MAP2K6: variants seen among roughly 807,000 people sequenced by gnomAD.
MAP2K6 encodes dual specificity mitogen-activated protein kinase kinase 6.
In MAP2K6, 16 loss-of-function variants were observed where a neutral mutation model predicts 53.7. The ratio of observed to expected loss-of-function variants is 0.30; its 90% CI spans 0.20 to 0.45. MAP2K6 has a LOEUF of 0.45. MAP2K6 is among the 20% of genes least tolerant of loss of function. MAP2K6 has a pLI of 1.00. For synonymous variants in MAP2K6, 132 were observed against 143.1 expected, an observed-to-expected ratio of 0.92 and a Z score of 0.55; for missense variants, 204 against 411.9, an observed-to-expected ratio of 0.50 and a Z score of 4.37.
At chr17:69,416,329 AG>A (rs1905900313) in intron 1 of MAP2K6, among the ~76,000 whole-genome samples, 1 of 152,180 alleles carries the variant, frequency 6.6e-6, no homozygotes, top group Non-Finnish European at 1.5e-5. Flanking sequence ...GTATTAGGGG[AG>A]AATGGAAATC....
rs1016510668 is a variant in MAP2K6 at position 69,494,608 on chromosome 17, G to C, written c.17-11172G>C. Among the ~76,000 whole-genome samples, 2 of 152,092 alleles carry C rather than the reference G, an allele frequency of 1.3e-5. No individual in the cohort carries two copies. The highest frequency in any genetic ancestry group is 2.9e-5 in the Non-Finnish European group (2 of 68,006). ...AGGGGAGGAGTTGCAGATGAAGAAC[G>C]TTCCTTTGTTTCTTTATTACCCCCT... On this transcript the variant is annotated intron_variant, in intron 1 of 11. Coordinates refer to ENST00000590474, the MANE Select transcript of MAP2K6 (RefSeq NM_002758.4). The surrounding 1 kb of genome is among the most constrained non-coding windows in gnomAD (Gnocchi z 4.2).
chr17:69,463,380 T>C (rs536889633), intron 1 of MAP2K6, among the ~76,000 whole-genome samples: 1 of 149,546 alleles, frequency 6.7e-6, no homozygotes, highest in Admixed American at 6.7e-5. Context: ...TGTGTATATA[T>C]ATGTGTATCT....
intron 10 of MAP2K6, among the ~76,000 whole-genome samples, chr17:69,528,688 ATC>A (rs1910912826): frequency 6.6e-6 from 1 of 151,770 alleles, no homozygotes; most frequent in African/African-American, 2.4e-5. Context: ...GTGAAAACCC[ATC>A]TCTGCTAAAA....
chr17:69,476,011 G>T (rs1385096504), intron 1 of MAP2K6, among the ~76,000 whole-genome samples: 1 of 152,188 alleles, frequency 6.6e-6, no homozygotes, highest in South Asian at 2.1e-4. Flanking sequence ...GTATAATAAG[G>T]TTGAGCAAAT....
At chr17:69,532,291 T>C (rs567137565) in intron 10 of MAP2K6, among the ~76,000 whole-genome samples, 30 of 152,356 alleles carry the variant, frequency 2.0e-4, no homozygotes, top group African/African-American at 7.2e-4. Context: ...TCTGTGGATG[T>C]ACCAAATAGC....
intron 1 of MAP2K6, among the ~76,000 whole-genome samples, chr17:69,417,965 A>G (rs1405848945): frequency 2.0e-5 from 3 of 152,240 alleles, no homozygotes; most frequent in East Asian, 1.9e-4. Context: ...AGAAATGCCT[A>G]TGAGGCACAA....
chr17:69,510,885 AT>A (rs891846873), intron 2 of MAP2K6, among the ~76,000 whole-genome samples: 2 of 145,188 alleles, frequency 1.4e-5, no homozygotes, highest in African/African-American at 5.1e-5. Flanking sequence ...AACTTTATTG[AT>A]TTTTTTTCTT....
At chr17:69,515,287 G>A (rs1400869446) in intron 2 of MAP2K6, among the ~76,000 whole-genome samples, 1 of 151,904 alleles carries the variant, frequency 6.6e-6, no homozygotes, top group Non-Finnish European at 1.5e-5. Context: ...CTACCAAGTA[G>A]CTGGGATTAC....
At chr17:69,483,504 A>C (rs1017160849) in intron 1 of MAP2K6, among the ~76,000 whole-genome samples, 3 of 152,084 alleles carry the variant, frequency 2.0e-5, no homozygotes, top group Admixed American at 2.0e-4. Context: ...AAGACTTAAT[A>C]TTGTTAAGAT....
intron 1 of MAP2K6, among the ~76,000 whole-genome samples, chr17:69,435,685 T>C (rs978454058): frequency 6.6e-6 from 1 of 152,050 alleles, no homozygotes; most frequent in African/African-American, 2.4e-5. Context: ...TTTTCTTTTC[T>C]TTTTTAGACA....
rs1912129397 is a variant in MAP2K6 at position 69,552,269 on chromosome 17, A to T, written c.*10516A>T. 6.6e-6 allele frequency: 1 copy of T among 152,214 alleles called. No individual in the cohort carries two copies. Among genetic ancestry groups the T allele is most frequent in the Non-Finnish European group, 1.5e-5 (1 of 68,048 alleles). 9.4% of individuals were successfully genotyped at this position (152,214 alleles called of 1,614,324 possible). On this transcript the variant is annotated 3_prime_UTR_variant, in exon 12 of 12. Coordinates refer to ENST00000590474, the MANE Select transcript of MAP2K6 (RefSeq NM_002758.4). ...GCTTGCTACCTCTTCTTGGTACCTG[A>T]AATATTCTGAAAGGATATCGGAGAG...
intron 1 of MAP2K6, among the ~76,000 whole-genome samples, chr17:69,469,872 G>T (rs1014469583): frequency 6.6e-6 from 1 of 152,068 alleles, no homozygotes; most frequent in Admixed American, 6.5e-5. Context: ...CATCATGGTC[G>T]GTGGAGCAAT....
At chr17:69,473,301 C>T (rs1347261480) in intron 1 of MAP2K6, among the ~76,000 whole-genome samples, 1 of 152,014 alleles carries the variant, frequency 6.6e-6, no homozygotes, top group East Asian at 1.9e-4. Flanking sequence ...TTAATTTCTG[C>T]AGAAAATGTT....
At chr17:69,451,003 A>G (rs780880855) in intron 1 of MAP2K6, among the ~76,000 whole-genome samples, 17 of 152,152 alleles carry the variant, frequency 1.1e-4, no homozygotes, top group Non-Finnish European at 2.1e-4. Flanking sequence ...AGCATTGAGT[A>G]GGTTTGCATG....
At chr17:69,541,472 A>G (rs1164189328) in intron 11 of MAP2K6, among the ~76,000 whole-genome samples, 1 of 152,132 alleles carries the variant, frequency 6.6e-6, no homozygotes, top group East Asian at 1.9e-4. Context: ...AGATATCAAG[A>G]TGGAAAGAGT....
rs375634560 is a variant in MAP2K6 at position 69,513,577 on chromosome 17, G to A, written c.84-3278G>A. ...TCAGCAAACTTTTTTGTAAAAGGCC[G>A]GATACTAAATATTTTAGGCTACATG... On this transcript the variant is annotated intron_variant, in intron 2 of 11. Coordinates refer to ENST00000590474, the MANE Select transcript of MAP2K6 (RefSeq NM_002758.4). Among the ~76,000 whole-genome samples, 421 of 152,252 alleles carry A rather than the reference G, an allele frequency of 2.8e-3. 1 individual carries two copies. The highest frequency in any genetic ancestry group is 0.01 in the Middle Eastern group (3 of 294).
intron 1 of MAP2K6, among the ~76,000 whole-genome samples, chr17:69,454,173 T>G (rs750026638): frequency 3.9e-5 from 6 of 152,208 alleles, no homozygotes; most frequent in Admixed American, 6.5e-5. Flanking sequence ...GGGATTTGAC[T>G]GATGTCTATA....
Position 69,494,365 on chromosome 17 carries a change from G to A in MAP2K6, c.17-11415G>A, listed in dbSNP as rs560357638. 6.6e-6 allele frequency among the ~76,000 whole-genome samples: 1 copy of A among 152,224 alleles called. No individual in the cohort carries two copies. Among genetic ancestry groups the A allele is most frequent in the African/African-American group, 2.4e-5 (1 of 41,522 alleles). On this transcript the variant is annotated intron_variant, in intron 1 of 11. Coordinates refer to ENST00000590474, the MANE Select transcript of MAP2K6 (RefSeq NM_002758.4). This position sits in a 1 kb window ranked among gnomAD's most constrained non-coding sequence, Gnocchi z 4.2. ...ATACAAAAATTAGCTGGGCATGGTG[G>A]CACATGCCTGTAATCTCAGCTACTT...
At chr17:69,439,619 AG>A (rs756815420) in intron 1 of MAP2K6, among the ~76,000 whole-genome samples, 1 of 152,176 alleles carries the variant, frequency 6.6e-6, no homozygotes, top group Non-Finnish European at 1.5e-5. Flanking sequence ...TTCTGATCAA[AG>A]GGACTTTACT....
Sources: gnomAD v4.1 joint callset for allele counts (sites outside exome capture counted in the v4.1 genomes callset) on GRCh38, gnomAD v4.1.1 for gene constraint, Gnocchi (gnomAD v3.1) non-coding constraint, MANE v1.5 for transcripts, NCBI Gene and HGNC (gene_info 2026-07-23, HGNC 2026-07-21) for gene names.